Variants in BHMT observed in about 807,000 individuals in gnomAD.
The protein encoded by BHMT is betaine--homocysteine S-methyltransferase 1.
Under a neutral mutation model 49.5 loss-of-function variants are expected in BHMT, and 38 were observed. The ratio of observed to expected loss-of-function variants is 0.77; its 90% CI spans 0.59 to 1.01. The LOEUF (loss-of-function observed/expected upper bound fraction) is 1.01. BHMT is among the 50% of genes least tolerant of loss of function. BHMT has a pLI of 0.00. For synonymous variants in BHMT, 166 were observed against 176.3 expected (o/e 0.94, Z 0.46); for missense variants, 426 against 495.7 (o/e 0.86, Z 1.34).
chr5:79,125,550 G>C (rs2112730716), intron 5 of BHMT, among the ~76,000 whole-genome samples: 1 of 151,076 alleles, frequency 6.6e-6, no homozygotes, highest in East Asian at 2.0e-4. Flanking sequence ...TTCACAGAAA[G>C]CACTTCCTGC....
intron 2 of BHMT, among the ~76,000 whole-genome samples, chr5:79,116,703 C>T (rs918888093): frequency 2.0e-5 from 3 of 152,140 alleles, no homozygotes; most frequent in African/African-American, 7.2e-5. Context: ...TAATCTCCAA[C>T]TATGCCATGT....
At chr5:79,112,670 T>C (rs1226845935) in intron 1 of BHMT, among the ~76,000 whole-genome samples, 2 of 152,250 alleles carry the variant, frequency 1.3e-5, no homozygotes, top group Non-Finnish European at 2.9e-5. Flanking sequence ...TGTAAGATAC[T>C]GAGGAAGGGC....
At position 79,121,214 on chromosome 5, in the gene BHMT, C is replaced by G; in HGVS notation, c.478-4C>G. Reference sequence around the variant, plus strand: ...AAAAGTACTCTAACCTTAACTGATTCCAGTATTTTGAACACGTTGAAGAAG... The same window carrying G: ...AAAAGTACTCTAACCTTAACTGATTGCAGTATTTTGAACACGTTGAAGAAG... On this transcript the variant is annotated splice_region_variant and splice_polypyrimidine_tract_variant and intron_variant, in intron 4 of 7. Transcript: ENST00000274353. The G allele has an allele frequency of 1.2e-6, 2 of 1,613,598 alleles. No homozygotes were observed. Among genetic ancestry groups the G allele is most frequent in the Non-Finnish European group, 1.7e-6 (2 of 1,179,730 alleles).
At chr5:79,129,571 T>A (rs1756605907) in intron 7 of BHMT, among the ~76,000 whole-genome samples, 1 of 152,064 alleles carries the variant, frequency 6.6e-6, no homozygotes, top group Admixed American at 6.6e-5. Context: ...GCCTGGGTGG[T>A]CTCAGGTAGC....
chr5:79,131,047 G>A lies in BHMT; in HGVS notation c.1152G>A (p.Gln384=), dbSNP rs1554042491. 6.2e-7 allele frequency: 1 copy of A among 1,613,928 alleles called. No individual in the cohort carries two copies. The highest frequency in any genetic ancestry group is 8.5e-7 in the Non-Finnish European group (1 of 1,179,948). The part of the protein sequence containing the change: ...GVTKGTAELM[Q]QKEATTEQQL... ...CCAAAGGAACAGCCGAGCTGATGCA[G>A]CAGAAAGAAGCCACAACTGAGCAGC... Residue 384 remains glutamine, a synonymous_variant, in exon 8 of 8, where the codon CAG becomes CAA. Coordinates refer to ENST00000274353, the MANE Select transcript of BHMT (RefSeq NM_001713.3).
At chr5:79,113,004 G>A (rs1756329549) in intron 1 of BHMT, among the ~76,000 whole-genome samples, 1 of 152,230 alleles carries the variant, frequency 6.6e-6, no homozygotes, top group Non-Finnish European at 1.5e-5. Flanking sequence ...TGTAAGGACA[G>A]TGAGAAAGGT....
At chr5:79,128,045 T>G in intron 7 of BHMT, 62 bp downstream of exon 7, 3 of 1,527,940 alleles carry the variant, frequency 2.0e-6, no homozygotes, top group Non-Finnish European at 1.8e-6. Flanking sequence ...GTGAGGCCAT[T>G]TAGAAGACTG....
intron 5 of BHMT, among the ~76,000 whole-genome samples, chr5:79,123,109 G>T (rs1201213589): frequency 6.6e-6 from 1 of 152,230 alleles, no homozygotes; most frequent in Non-Finnish European, 1.5e-5. Context: ...AGTTGCAGAA[G>T]CCAAGAGAAG....
chr5:79,120,529 C>T lies in BHMT; in HGVS notation c.465C>T (p.Phe155=). The T allele has an allele frequency of 1.2e-6, 2 of 1,609,874 alleles. No individual in the cohort carries two copies. The highest frequency in any genetic ancestry group is 1.7e-6 in the Non-Finnish European group (2 of 1,178,872). Residue 155 remains phenylalanine, a synonymous_variant, in exon 4 of 8, where the codon TTC becomes TTT. Coordinates refer to ENST00000274353, the MANE Select transcript of BHMT (RefSeq NM_001713.3). ...LEVFMKKNVD[F]LIAEYFEHVE... ...TCTTTATGAAGAAGAACGTGGACTT[C>T]TTGATTGCAGAGGTAAAGAAAGATG...
chr5:79,127,903 C>G lies in BHMT; in HGVS notation c.957C>G (p.Gly319=), dbSNP rs915643790. 1 of 1,613,866 alleles carries G rather than the reference C, an allele frequency of 6.2e-7. No homozygotes were observed. The highest frequency in any genetic ancestry group is 8.5e-7 in the Non-Finnish European group (1 of 1,179,990). Residue 319 remains glycine (G), a synonymous_variant, in exon 7 of 8, where the codon GGC becomes GGG. Coordinates refer to ENST00000274353, the MANE Select transcript of BHMT (RefSeq NM_001713.3). ...CAGAGGAGCTGGCCCCAGAAAGGGGCTTTTTGCCACCAGCTTCAGAAAAAC... is the reference window on the plus strand; with the variant it reads ...CAGAGGAGCTGGCCCCAGAAAGGGGGTTTTTGCCACCAGCTTCAGAAAAAC... ...AIAEELAPER[G]FLPPASEKHG...
In BHMT at chr5:79,121,270, C is replaced by G; in HGVS notation, c.530C>G (p.Ser177Cys). 1 of 1,614,184 alleles carries G rather than the reference C, an allele frequency of 6.2e-7. No individual in the cohort carries two copies. Among genetic ancestry groups the G allele is most frequent in the East Asian group, 2.2e-5 (1 of 44,886 alleles). ...AVWAVETLIASGKPVAATMCI... is the reference protein window; with the variant it reads ...AVWAVETLIACGKPVAATMCI... ...TGGGCAGTTGAAACCTTGATAGCATCCGGTAAACCTGTGGCAGCAACCATG... is the reference window on the plus strand; with the variant it reads ...TGGGCAGTTGAAACCTTGATAGCATGCGGTAAACCTGTGGCAGCAACCATG... The change falls in exon 5 of 8, where the codon TCC becomes TGC. Residue 177 changes from serine (S) to cysteine (C), a missense_variant. Ser to Cys is a moderately radical substitution (Grantham distance 112, BLOSUM62 -1). Around this residue, in one of 3 missense-constraint regions of BHMT, gnomAD observed 321 missense variants for 355.9 expected, o/e 0.90. Transcript: ENST00000274353.
chr5:79,126,674 C>A (rs1756557766), intron 6 of BHMT, among the ~76,000 whole-genome samples: 1 of 152,064 alleles, frequency 6.6e-6, no homozygotes, highest in South Asian at 2.1e-4. Flanking sequence ...TCCTTTTCTC[C>A]AATTTTTAAT....
intron 7 of BHMT, among the ~76,000 whole-genome samples, chr5:79,128,984 C>T (rs1375789413): frequency 6.6e-6 from 1 of 152,094 alleles, no homozygotes; most frequent in Admixed American, 6.6e-5. Context: ...ACTATCTCTG[C>T]CTAACAGAAA....
In BHMT at chr5:79,111,856, G is replaced by A. The variant is rs1288279699; in HGVS notation, c.-30G>A. On this transcript the variant is annotated 5_prime_UTR_variant, in exon 1 of 8. It adds an upstream start codon to the 5' untranslated region. Coordinates refer to ENST00000274353, the MANE Select transcript of BHMT (RefSeq NM_001713.3). ...AGGCTCGCCTAGTCGGTCCGCATCC[G>A]TGTCGACCACCTGTCTGGACACCAC... is the stretch of plus-strand genomic sequence containing the variant. 1.9e-6 allele frequency: 3 copies of A among 1,611,706 alleles called. No individual in the cohort carries two copies. In the East Asian group the frequency reaches 6.7e-5, roughly 36 times the overall value.
chr5:79,125,907 CA>C, intron 5 of BHMT, 138 bp from the exon 6 acceptor site: 5 of 806,660 alleles, frequency 6.2e-6, no homozygotes, highest in Non-Finnish European at 9.7e-6. Context: ...CACGCTACTG[CA>C]CTCCAGCCTG....
chr5:79,122,325 G>C (rs1756485308), intron 5 of BHMT, among the ~76,000 whole-genome samples: 1 of 152,092 alleles, frequency 6.6e-6, no homozygotes, highest in South Asian at 2.1e-4. Context: ...GTGATGTGGT[G>C]AACAGCTACT....
chr5:79,125,122 A>G (rs750851477), intron 5 of BHMT, among the ~76,000 whole-genome samples: 7 of 152,122 alleles, frequency 4.6e-5, no homozygotes, highest in African/African-American at 9.7e-5. Context: ...TTGACTACTA[A>G]AATTTGAAGT....
intron 7 of BHMT, among the ~76,000 whole-genome samples, chr5:79,130,035 G>A (rs1278668683): frequency 1.3e-5 from 2 of 152,094 alleles, no homozygotes; most frequent in Non-Finnish European, 2.9e-5. Context: ...TTGTACCTAT[G>A]TGGTGGCATA....
intron 1 of BHMT, among the ~76,000 whole-genome samples, chr5:79,113,149 G>A (rs1756333698): frequency 6.6e-6 from 1 of 152,232 alleles, no homozygotes; most frequent in African/African-American, 2.4e-5. Context: ...TCTAAATGCA[G>A]CATCGTGGAT....
Sources: allele counts gnomAD v4.1 joint callset (sites outside exome capture counted in the v4.1 genomes callset), GRCh38; gene constraint gnomAD v4.1.1; regional missense constraint gnomAD v4.1.1; transcripts MANE v1.5; gene names NCBI Gene and HGNC (gene_info 2026-07-23, HGNC 2026-07-21).